Variants in SPTA1 observed in about 807,000 individuals in gnomAD.
SPTA1 encodes spectrin alpha, erythrocytic 1, also known as spectrin alpha chain, erythrocytic 1.
A neutral mutation model predicts 324.7 loss-of-function variants in SPTA1; 177 were observed. The ratio of observed to expected loss-of-function variants is 0.55; its 90% CI spans 0.48 to 0.62. The LOEUF is 0.62. Ranked by LOEUF, SPTA1 falls within the 20% of genes least tolerant of loss-of-function variation. The probability of loss-of-function intolerance (pLI) is 0.00; values close to 1 mark genes in which losing one functional copy is unlikely to be tolerated. For synonymous variants in SPTA1, 1,195 were observed against 1,041.3 expected, an observed-to-expected ratio of 1.15 and a Z score of -2.84; for missense variants, 3,162 against 2,883.6, an observed-to-expected ratio of 1.10 and a Z score of -2.21.
intron 16 of SPTA1, among the ~76,000 whole-genome samples, chr1:158,663,512 GAT>G (rs1653390707): frequency 6.6e-6 from 1 of 152,172 alleles, no homozygotes; most frequent in Non-Finnish European, 1.5e-5. Flanking sequence ...AGAAAGGAGA[GAT>G]ACAGAAACAG....
chr1:158,679,741 A>G (rs993647795), intron 5 of SPTA1, among the ~76,000 whole-genome samples: 7 of 152,154 alleles, frequency 4.6e-5, no homozygotes, highest in African/African-American at 1.7e-4. Flanking sequence ...AGTCATTAAC[A>G]AGTAAGATGT....
At chr1:158,614,163 A>G in intron 49 of SPTA1, 90 bp downstream of exon 49, 1 of 1,068,726 alleles carries the variant, frequency 9.4e-7, no homozygotes, top group Admixed American at 1.9e-5. Flanking sequence ...GATTCCACCA[A>G]GCCTCACAGA....
intron 42 of SPTA1, among the ~76,000 whole-genome samples, chr1:158,624,400 A>G (rs917922229): frequency 6.6e-6 from 1 of 152,170 alleles, no homozygotes; most frequent in African/African-American, 2.4e-5. Flanking sequence ...ATGGGAGCCC[A>G]CCCCTTGCAT....
intron 9 of SPTA1, 28 bp from the exon 10 acceptor site, chr1:158,674,458 A>T (rs751493683): frequency 6.2e-7 from 1 of 1,614,048 alleles, no homozygotes; most frequent in South Asian, 1.1e-5. Flanking sequence ...AGTGTCTCAA[A>T]ATGCAGCAAG....
At position 158,676,131 on chromosome 1, in the gene SPTA1, GA is replaced by G. The variant is rs755204642; in HGVS notation, c.1112+9del. On this transcript the variant is annotated intron_variant, in intron 8 of 51. Transcript: ENST00000643759. ...GATAGGTAGAGCAATAAAGGGGAGG[GA>G]TTTCCCACCAATAAGTAGCCTGCAG... 8 of 1,613,306 alleles carry G rather than the reference GA, an allele frequency of 5.0e-6. No homozygotes were observed. Among genetic ancestry groups the G allele is most frequent in the Middle Eastern group, 3.3e-4 (2 of 5,998 alleles).
rs1182520726 is a variant in SPTA1 at position 158,645,394 on chromosome 1, A to T, written c.3997-9T>A. ...ATGTCAGCACGGTGCTCCTGTGGGA[A>T]AAAGGGGGAAGAAATCAGTGAGGCC... On this transcript the variant is annotated splice_polypyrimidine_tract_variant and intron_variant, in intron 28 of 51. Coordinates refer to ENST00000643759, the MANE Select transcript of SPTA1 (RefSeq NM_003126.4). 1 of 1,613,816 alleles carries T rather than the reference A, an allele frequency of 6.2e-7. No homozygotes were observed. Among genetic ancestry groups the T allele is most frequent in the Non-Finnish European group, 8.5e-7 (1 of 1,179,932 alleles).
chr1:158,646,926 C>G (rs1362910965), intron 27 of SPTA1, among the ~76,000 whole-genome samples: 1 of 152,146 alleles, frequency 6.6e-6, no homozygotes, highest in Admixed American at 6.6e-5. Context: ...GTGATAATGT[C>G]TAGACTTTAG....
intron 44 of SPTA1, 60 bp downstream of exon 44, chr1:158,620,110 G>A (rs1649808744): frequency 4.4e-6 from 7 of 1,588,672 alleles, no homozygotes; most frequent in South Asian, 1.1e-5. Context: ...TATTTACTTG[G>A]ATAATAAAGT....
At chr1:158,624,968 A>G (rs1241803981) in intron 42 of SPTA1, among the ~76,000 whole-genome samples, 1 of 152,250 alleles carries the variant, frequency 6.6e-6, no homozygotes, top group African/African-American at 2.4e-5. Flanking sequence ...GTCCTGGATC[A>G]TTTCAATCCC....
chr1:158,623,250 T>C (rs1650039574), intron 42 of SPTA1, 58 bp from the exon 43 acceptor site: 1 of 1,437,698 alleles, frequency 7.0e-7, no homozygotes, highest in African/African-American at 1.4e-5. Context: ...GTCATTCACA[T>C]CTGGGTTCCA....
chr1:158,638,004 C>A, intron 36 of SPTA1, 29 bp downstream of exon 36: 4 of 1,609,098 alleles, frequency 2.5e-6, no homozygotes, highest in Non-Finnish European at 3.4e-6. Context: ...CTTGTATTAT[C>A]CACACATTTT....
intron 5 of SPTA1, among the ~76,000 whole-genome samples, chr1:158,679,283 A>C (rs1654624763): frequency 6.6e-6 from 1 of 152,140 alleles, no homozygotes; most frequent in Non-Finnish European, 1.5e-5. Context: ...TCGAGAGCAC[A>C]GAATATAACC....
At chr1:158,638,359 T>C in intron 35 of SPTA1, 118 bp from the exon 36 acceptor site, 1 of 1,015,850 alleles carries the variant, frequency 9.8e-7, no homozygotes, top group Non-Finnish European at 1.5e-6. Flanking sequence ...TTTAAAGACA[T>C]GGAGTTTGAT....
In SPTA1 at chr1:158,611,244, G is replaced by C. The variant is rs534141025; in HGVS notation, c.*20C>G. Reference sequence around the variant, plus strand: ...TTCCCACGACACTAAGATTTTCTACGATCCACGAGGAGCTGCTTATTAGTT... The same window carrying C: ...TTCCCACGACACTAAGATTTTCTACCATCCACGAGGAGCTGCTTATTAGTT... On this transcript the variant is annotated 3_prime_UTR_variant, in exon 52 of 52. Coordinates refer to ENST00000643759, the MANE Select transcript of SPTA1 (RefSeq NM_003126.4). 6.2e-7 allele frequency: 1 copy of C among 1,611,282 alleles called. No homozygotes were observed. Among genetic ancestry groups the C allele is most frequent in the Non-Finnish European group, 8.5e-7 (1 of 1,178,528 alleles).
chr1:158,637,090 A>C (rs556359241), intron 36 of SPTA1, among the ~76,000 whole-genome samples: 1 of 152,180 alleles, frequency 6.6e-6, no homozygotes, highest in Non-Finnish European at 1.5e-5. Flanking sequence ...TTTCAAAAAA[A>C]TGTGAAAATT....
chr1:158,657,481 G>T lies in SPTA1; in HGVS notation c.2801C>A (p.Ala934Asp). 10 of 937,204 alleles carry T rather than the reference G, an allele frequency of 1.1e-5. No individual in the cohort carries two copies. Among genetic ancestry groups the T allele is most frequent in the African/African-American group, 1.5e-5 (1 of 64,756 alleles). The allele number at this position is 937,204 out of a possible 1,614,324, so 58.1% of individuals were successfully genotyped here. Reference sequence around the variant, plus strand: ...TTAAACCCACCCCCACCTTACCCCAGCTGCTTCTTCATCAGCACCATAGTT... The same window carrying T: ...TTAAACCCACCCCCACCTTACCCCATCTGCTTCTTCATCAGCACCATAGTT... The part of the protein sequence containing the change: ...NTNYGADEEA[A>D]GALLKKHEAF... Residue 934 changes from alanine to aspartate, a missense_variant, in exon 19 of 52, where the codon GCT (alanine) becomes GAT (aspartate). By Grantham distance (126) the Ala-to-Asp change is moderately radical. Transcript: ENST00000643759.
chr1:158,618,113 A>C (rs1375795864), intron 45 of SPTA1, 57 bp from the exon 46 acceptor site: 3 of 1,498,782 alleles, frequency 2.0e-6, no homozygotes, highest in Non-Finnish European at 2.8e-6. Flanking sequence ...ATGATATGTT[A>C]AAATGGATTA....
intron 18 of SPTA1, among the ~76,000 whole-genome samples, chr1:158,659,237 T>G (rs1329504440): frequency 6.6e-6 from 1 of 152,052 alleles, no homozygotes; most frequent in Non-Finnish European, 1.5e-5. Context: ...GAAGTATCAA[T>G]TTAAGAATCT....
Position 158,671,411 on chromosome 1 carries a change from C to T in SPTA1, c.1531G>A (p.Ala511Thr). 2 of 1,613,300 alleles carry T rather than the reference C, an allele frequency of 1.2e-6. No individual in the cohort carries two copies. Among genetic ancestry groups the T allele is most frequent in the Non-Finnish European group, 1.7e-6 (2 of 1,179,924 alleles). Residue 511 changes from alanine to threonine, a missense_variant, in exon 12 of 52, where the codon GCA (alanine) becomes ACA (threonine). Ala to Thr is a moderately conservative substitution (Grantham distance 58). Transcript: ENST00000643759. The stretch of plus-strand genomic sequence containing the variant: ...TCATGCTTCTGAAGAAGGGCTTCTG[C>T]ACTGCCCAGTGAGTTTCCCAGATCC... Reference protein sequence around the residue: ...NEDLGNSLGSAEALLQKHEDF... With the variant: ...NEDLGNSLGSTEALLQKHEDF...
Sources: gnomAD v4.1 joint callset for allele counts (sites outside exome capture counted in the v4.1 genomes callset) on GRCh38, gnomAD v4.1.1 for gene constraint, MANE v1.5 for transcripts, NCBI Gene and HGNC (gene_info 2026-07-23, HGNC 2026-07-21) for gene names.